Variants in RYR2 observed in about 807,000 individuals in gnomAD.
RYR2 encodes ryanodine receptor 2, also known as cardiac muscle ryanodine receptor-calcium release channel.
A neutral mutation model predicts 601.1 loss-of-function variants in RYR2; 227 were observed. The observed-to-expected ratio is 0.38, with a 90% CI of 0.34 to 0.42. The LOEUF is 0.42. Among genes scored for constraint, RYR2 ranks in the 10% least tolerant of loss-of-function variants. RYR2 has a pLI of 1.00. For missense variants in RYR2, 4,646 were observed against 6,156.5 expected (o/e 0.75, Z 8.21); for synonymous variants, 2,223 against 2,175.1 (o/e 1.02, Z -0.61).
At chr1:237,661,339 C>T (rs1294408585) in intron 56 of RYR2, among the ~76,000 whole-genome samples, 1 of 151,908 alleles carries the variant, frequency 6.6e-6, no homozygotes, top group Admixed American at 6.6e-5. Flanking sequence ...CACACCGGGG[C>T]CTGTCAGGGA....
At chr1:237,361,703 C>A (rs1699795270) in intron 4 of RYR2, among the ~76,000 whole-genome samples, 3 of 152,046 alleles carry the variant, frequency 2.0e-5, no homozygotes, top group Admixed American at 6.5e-5. Context: ...GTTTTTAGCT[C>A]ATGAAACTGA....
chr1:237,687,413 T>C (rs2148968648), intron 62 of RYR2, 42 bp from the exon 63 acceptor site: 2 of 862,632 alleles, frequency 2.3e-6, no homozygotes, highest in Non-Finnish European at 1.8e-6. Context: ...CTACCTTCCC[T>C]TCCCCCTTCC....
intron 1 of RYR2, among the ~76,000 whole-genome samples, chr1:237,148,527 A>ATAT (rs1158996552): frequency 3.6e-5 from 3 of 83,912 alleles, no homozygotes; most frequent in Admixed American, 1.4e-4. Context: ...AAAAAAAAAA[A>ATAT]ATATATATAT....
At chr1:237,551,424 G>A (rs556997416) in intron 27 of RYR2, among the ~76,000 whole-genome samples, 31 of 151,790 alleles carry the variant, frequency 2.0e-4, no homozygotes, top group African/African-American at 6.8e-4. Context: ...CCAGCTACTC[G>A]GGAGGCTGAG....
rs527858734 is a variant in RYR2 at position 237,163,634 on chromosome 1, T to C, written c.49-106863T>C. 2.6e-5 allele frequency among the ~76,000 whole-genome samples: 4 copies of C among 152,286 alleles called. No individual in the cohort carries two copies. The South Asian group carries it at 8.3e-4, about 32-fold the overall frequency. ...AGCATACCCAGTTCTCTTAAGTTCA[T>C]GTAGTTAATGGGTGGTGGGAAAATT... is the stretch of plus-strand genomic sequence containing the variant. On this transcript the variant is annotated intron_variant, in intron 1 of 104. Coordinates refer to ENST00000366574, the MANE Select transcript of RYR2 (RefSeq NM_001035.3).
intron 54 of RYR2, 143 bp from the exon 55 acceptor site, chr1:237,659,842 A>T (rs1048712728): frequency 1.2e-5 from 6 of 483,352 alleles, no homozygotes; most frequent in African/African-American, 8.1e-5. Flanking sequence ...ATAGTGACTT[A>T]TGCTGGATAA....
At chr1:237,666,941 T>C (rs75017295) in intron 57 of RYR2, among the ~76,000 whole-genome samples, 3,242 of 152,206 alleles carry the variant, frequency 0.021, 106 homozygotes, top group African/African-American at 0.074. Context: ...TACAACTTTT[T>C]CTAGGGTGTT....
rs1376777607 is a variant in RYR2, at chr1:237,629,858, G to T, written c.6441-1569G>T. 2.6e-5 allele frequency among the ~76,000 whole-genome samples: 4 copies of T among 151,994 alleles called. No homozygotes were observed. The East Asian group carries it at 7.7e-4, about 29-fold the overall frequency. On this transcript the variant is annotated intron_variant, in intron 41 of 104. Coordinates refer to ENST00000366574, the MANE Select transcript of RYR2 (RefSeq NM_001035.3). ...TTTAAAATTATAAAAATGGATGAAAGGTTCTATTAAAAATTCATAATTGTT... is the reference window on the plus strand; with the variant it reads ...TTTAAAATTATAAAAATGGATGAAATGTTCTATTAAAAATTCATAATTGTT...
intron 93 of RYR2, 136 bp from the exon 94 acceptor site, chr1:237,791,969 T>G (rs1658428065): frequency 6.2e-6 from 4 of 649,908 alleles, no homozygotes; most frequent in Non-Finnish European, 1.1e-5. Flanking sequence ...GTTTTTAGCC[T>G]TTGCTATTAG....
intron 2 of RYR2, among the ~76,000 whole-genome samples, chr1:237,298,604 A>C (rs1180848890): frequency 6.6e-6 from 1 of 152,142 alleles, no homozygotes; most frequent in Non-Finnish European, 1.5e-5. Context: ...TTCCATCAGC[A>C]CCAAGAGACC....
intron 1 of RYR2, among the ~76,000 whole-genome samples, chr1:237,090,156 A>G (rs1295720234): frequency 1.3e-5 from 2 of 151,920 alleles, no homozygotes; most frequent in Non-Finnish European, 2.9e-5. Context: ...TGATTCAATT[A>G]CCTCCCACTG....
intron 47 of RYR2, among the ~76,000 whole-genome samples, chr1:237,641,219 A>G (rs1323687045): frequency 6.6e-6 from 1 of 152,232 alleles, no homozygotes. Flanking sequence ...TCATTAATAG[A>G]GTACTTAAGT....
At chr1:237,109,094 G>A (rs953990733) in intron 1 of RYR2, among the ~76,000 whole-genome samples, 9 of 151,762 alleles carry the variant, frequency 5.9e-5, no homozygotes, top group South Asian at 2.1e-4. Flanking sequence ...GAACATAACC[G>A]GAATAACCAG....
chr1:237,295,147 T>C (rs529929683), intron 2 of RYR2, among the ~76,000 whole-genome samples: 36 of 151,990 alleles, frequency 2.4e-4, no homozygotes, highest in Non-Finnish European at 4.4e-4. Flanking sequence ...GCCTAGGAAT[T>C]TGAGAATTTG....
At chr1:237,791,021 GAC>G (rs777916024) in intron 92 of RYR2, among the ~76,000 whole-genome samples, 9 of 151,564 alleles carry the variant, frequency 5.9e-5, no homozygotes, top group Middle Eastern at 6.8e-3. Context: ...TCCTCTCTTT[GAC>G]ACACTCTTTC....
chr1:237,176,317 C>A (rs1461261169), intron 1 of RYR2, among the ~76,000 whole-genome samples: 1 of 148,016 alleles, frequency 6.8e-6, no homozygotes, highest in Non-Finnish European at 1.5e-5. Flanking sequence ...TTTATTAACT[C>A]TGGCACATAG....
chr1:237,390,646 A>T (rs73102483), intron 10 of RYR2, among the ~76,000 whole-genome samples: 5,978 of 152,246 alleles, frequency 0.039, 423 homozygotes, highest in African/African-American at 0.14. Context: ...AAGAGAGGCC[A>T]GACTGGATCC....
intron 51 of RYR2, among the ~76,000 whole-genome samples, chr1:237,653,977 G>T (rs1209917743): frequency 6.6e-6 from 1 of 152,236 alleles, no homozygotes; most frequent in East Asian, 1.9e-4. Flanking sequence ...GATTGAGAAT[G>T]GGTCAGCCTC....
chr1:237,482,611 C>A (rs1215252792), intron 17 of RYR2, among the ~76,000 whole-genome samples: 1 of 152,108 alleles, frequency 6.6e-6, no homozygotes, highest in Non-Finnish European at 1.5e-5. Flanking sequence ...TGCAGACGGA[C>A]ATTTAGGTTG....
Sources: gnomAD v4.1 joint callset for allele counts (sites outside exome capture counted in the v4.1 genomes callset) on GRCh38, gnomAD v4.1.1 for gene constraint, MANE v1.5 for transcripts, NCBI Gene and HGNC (gene_info 2026-07-23, HGNC 2026-07-21) for gene names.